The following LRRTM3 variants were observed in gnomAD, a reference collection of about 807,000 sequenced individuals.
The protein encoded by LRRTM3 is leucine-rich repeat transmembrane neuronal protein 3.
LRRTM3 carries 24 observed loss-of-function variants against 44.7 expected under a neutral mutation model. The observed-to-expected ratio is 0.54, with a 90% CI of 0.39 to 0.76. The LOEUF is 0.76. LRRTM3 is among the 30% of genes least tolerant of loss of function. The pLI, the probability that LRRTM3 is intolerant of heterozygous loss-of-function variation, is 0.00. For synonymous variants in LRRTM3, 277 were observed against 278.7 expected (o/e 0.99, Z 0.06); for missense variants, 587 against 702.2 (o/e 0.84, Z 1.85).
At chr10:66,955,760 C>T (rs1848757105) in intron 2 of LRRTM3, among the ~76,000 whole-genome samples, 1 of 152,122 alleles carries the variant, frequency 6.6e-6, no homozygotes, top group African/African-American at 2.4e-5. Context: ...CCCTAGGTTA[C>T]AAGAGTTTCT....
chr10:66,939,729 T>C (rs540602195), intron 2 of LRRTM3, among the ~76,000 whole-genome samples: 2 of 152,332 alleles, frequency 1.3e-5, no homozygotes, highest in South Asian at 4.1e-4. Context: ...TGGATTCTTT[T>C]TTGGAACATA....
intron 2 of LRRTM3, among the ~76,000 whole-genome samples, chr10:66,978,552 A>AAAATATATATAT: frequency 7.7e-4 from 29 of 37,886 alleles, no homozygotes; most frequent in South Asian, 4.7e-3. Context: ...AAAAAAAAAA[A>AAAATATATATAT]ATATATATAT....
At chr10:66,943,042 T>C (rs1848093488) in intron 2 of LRRTM3, among the ~76,000 whole-genome samples, 1 of 152,076 alleles carries the variant, frequency 6.6e-6, no homozygotes, top group Non-Finnish European at 1.5e-5. Flanking sequence ...AAATTTGGAG[T>C]CACATTAATA....
intron 2 of LRRTM3, among the ~76,000 whole-genome samples, chr10:67,042,444 C>A (rs1854454961): frequency 6.6e-6 from 1 of 152,090 alleles, no homozygotes; most frequent in East Asian, 1.9e-4. Flanking sequence ...TTTGAGTTTT[C>A]CATGTCTTCT....
intron 2 of LRRTM3, among the ~76,000 whole-genome samples, chr10:67,086,764 T>C (rs1274205692): frequency 4.6e-5 from 7 of 152,030 alleles, no homozygotes; most frequent in Admixed American, 4.6e-4. Flanking sequence ...GGAGAGTTCT[T>C]TCCACCAGTT....
chr10:67,040,292 C>G (rs973892786), intron 2 of LRRTM3, among the ~76,000 whole-genome samples: 1 of 152,028 alleles, frequency 6.6e-6, no homozygotes, highest in Non-Finnish European at 1.5e-5. Flanking sequence ...TGTGAAAGTC[C>G]TCAGGCATTT....
In LRRTM3 at chr10:67,020,540, T is replaced by C. The variant is rs367829432; in HGVS notation, c.1537-77047T>C. On this transcript the variant is annotated intron_variant, in intron 2 of 2. Coordinates refer to ENST00000361320, the MANE Select transcript of LRRTM3 (RefSeq NM_178011.5). ...CACAATAGTCTTAAGTTTATTGAACTCAAACCATTCAACAAATATTTACTA... is the reference window on the plus strand; with the variant it reads ...CACAATAGTCTTAAGTTTATTGAACCCAAACCATTCAACAAATATTTACTA... Among the ~76,000 whole-genome samples the C allele has an allele frequency of 3.9e-5, 6 of 152,288 alleles. No individual in the cohort carries two copies. The East Asian group carries it at 9.6e-4, about 24-fold the overall frequency.
chr10:66,978,960 CTTTTTTTTTTT>C (rs34112681), intron 2 of LRRTM3, among the ~76,000 whole-genome samples: 1 of 83,782 alleles, frequency 1.2e-5, no homozygotes, highest in South Asian at 5.0e-4. Context: ...TACTTATTTC[CTTTTTTTTTTT>C]TTTTTTTTTT....
chr10:67,079,796 T>C (rs1856951109), intron 2 of LRRTM3, among the ~76,000 whole-genome samples: 1 of 150,812 alleles, frequency 6.6e-6, no homozygotes, highest in Admixed American at 6.6e-5. Flanking sequence ...TGCAGTGAGC[T>C]GAGATTGCAC....
chr10:66,947,029 C>T (rs1460680572), intron 2 of LRRTM3, among the ~76,000 whole-genome samples: 1 of 152,030 alleles, frequency 6.6e-6, no homozygotes, highest in African/African-American at 2.4e-5. Flanking sequence ...TTTAAGTTGC[C>T]CTTGTTTTCA....
chr10:67,089,474 C>A (rs939305102), intron 2 of LRRTM3, among the ~76,000 whole-genome samples: 1 of 151,842 alleles, frequency 6.6e-6, no homozygotes, highest in Non-Finnish European at 1.5e-5. Context: ...CTAAAGAGTT[C>A]TAGGAGATAG....
chr10:67,073,380 T>C (rs1264749885), intron 2 of LRRTM3, among the ~76,000 whole-genome samples: 1 of 152,226 alleles, frequency 6.6e-6, no homozygotes, highest in Non-Finnish European at 1.5e-5. Flanking sequence ...TTTTTTCATC[T>C]ATTTAAGATT....
chr10:66,990,746 TTA>T (rs1447192889), intron 2 of LRRTM3, among the ~76,000 whole-genome samples: 1 of 152,196 alleles, frequency 6.6e-6, no homozygotes, highest in Admixed American at 6.5e-5. Context: ...ATCTGGAATT[TTA>T]TGTCTCACTA....
At chr10:67,070,432 T>A (rs1023803525) in intron 2 of LRRTM3, among the ~76,000 whole-genome samples, 4 of 151,742 alleles carry the variant, frequency 2.6e-5, no homozygotes, top group East Asian at 1.9e-4. Flanking sequence ...ATATATATAT[T>A]TTTTATGTTT....
chr10:67,041,156 G>C (rs966202169), intron 2 of LRRTM3, among the ~76,000 whole-genome samples: 8 of 152,166 alleles, frequency 5.3e-5, no homozygotes, highest in Non-Finnish European at 1.0e-4. Flanking sequence ...AGCCAAAAAT[G>C]GTTCCTGATC....
At chr10:67,078,901 G>C (rs1358896886) in intron 2 of LRRTM3, among the ~76,000 whole-genome samples, 1 of 152,194 alleles carries the variant, frequency 6.6e-6, no homozygotes, top group Non-Finnish European at 1.5e-5. Context: ...CAAAAGCAGA[G>C]AGAGACAGAA....
chr10:67,075,659 T>C (rs1358387907), intron 2 of LRRTM3, among the ~76,000 whole-genome samples: 1 of 152,224 alleles, frequency 6.6e-6, no homozygotes, highest in Non-Finnish European at 1.5e-5. Context: ...TATGACATTC[T>C]GAAGTTTGGC....
At position 67,074,034 on chromosome 10, in the gene LRRTM3, CT is replaced by C. The variant is rs35411851; in HGVS notation, c.1537-23533del. ...ATAATGCCAAGTAGCCATTTTAACT[CT>C]TTTTTTTTTTTTTTTTTTTGAGACA... On this transcript the variant is annotated intron_variant, in intron 2 of 2. Coordinates refer to ENST00000361320, the MANE Select transcript of LRRTM3 (RefSeq NM_178011.5). Among the ~76,000 whole-genome samples, 911 of 109,422 alleles carry C rather than the reference CT, an allele frequency of 8.3e-3. 2 individuals are homozygous for C. Among genetic ancestry groups the C allele is most frequent in the African/African-American group, 0.03 (850 of 28,718 alleles). The allele number at this position is 109,422 out of a possible 152,430, so 71.8% of individuals were successfully genotyped here. A position where few individuals can be genotyped will look rare whatever the true frequency, so the allele number is the denominator to read the frequency against.
chr10:66,992,659 A>C (rs2132941394), intron 2 of LRRTM3, among the ~76,000 whole-genome samples: 1 of 152,240 alleles, frequency 6.6e-6, no homozygotes, highest in East Asian at 1.9e-4. Context: ...ATTTTCTTAA[A>C]TGTTCTTATC....
Sources: allele counts gnomAD v4.1 joint callset (sites outside exome capture counted in the v4.1 genomes callset), GRCh38; gene constraint gnomAD v4.1.1; transcripts MANE v1.5; gene names NCBI Gene and HGNC (gene_info 2026-07-23, HGNC 2026-07-21).